PPP1R17: variants seen among roughly 807,000 people sequenced by gnomAD.
The protein encoded by PPP1R17 is protein phosphatase 1 regulatory subunit 17, also known as G-substrate.
A neutral mutation model predicts 15.9 loss-of-function variants in PPP1R17; 12 were observed. That is an observed-to-expected ratio of 0.75 (90% confidence interval 0.48 to 1.22). PPP1R17 has a LOEUF of 1.22. Among genes scored for constraint, PPP1R17 ranks in the 50% most tolerant of loss-of-function variants. The pLI, the probability that PPP1R17 is intolerant of heterozygous loss-of-function variation, is 0.00. For missense variants in PPP1R17, 211 were observed against 187.3 expected, an observed-to-expected ratio of 1.13 and a Z score of -0.74; for synonymous variants, 63 against 64.5, an observed-to-expected ratio of 0.98 and a Z score of 0.11.
intron 1 of PPP1R17, among the ~76,000 whole-genome samples, chr7:31,687,849 C>T (rs1317477563): frequency 6.6e-6 from 1 of 152,186 alleles, no homozygotes; most frequent in Non-Finnish European, 1.5e-5. Context: ...ACCTTCTACC[C>T]TTTTATTCCA....
At chr7:31,701,425 T>C (rs551331178) in intron 4 of PPP1R17, among the ~76,000 whole-genome samples, 2 of 152,364 alleles carry the variant, frequency 1.3e-5, no homozygotes, top group Admixed American at 6.5e-5. Context: ...TTGCTTCTGA[T>C]AGATCAGCAA....
intron 4 of PPP1R17, among the ~76,000 whole-genome samples, chr7:31,697,325 G>C (rs1792631695): frequency 6.6e-6 from 1 of 152,092 alleles, no homozygotes; most frequent in Non-Finnish European, 1.5e-5. Context: ...GATGGGAAAG[G>C]GTCAGAGCAT....
chr7:31,701,839 A>T (rs1792860911), intron 4 of PPP1R17, among the ~76,000 whole-genome samples: 1 of 152,224 alleles, frequency 6.6e-6, no homozygotes, highest in Non-Finnish European at 1.5e-5. Context: ...AGCTATGCTC[A>T]TTATTTTTAA....
Position 31,708,023 on chromosome 7 carries a change from C to G in PPP1R17, c.*740C>G, listed in dbSNP as rs1340387159. 2 of 152,188 alleles carry G rather than the reference C, an allele frequency of 1.3e-5. No homozygotes were observed. Among genetic ancestry groups the G allele is most frequent in the Non-Finnish European group, 2.9e-5 (2 of 68,048 alleles). The allele number at this position is 152,188 out of a possible 1,614,324, so 9.4% of individuals were successfully genotyped here. On this transcript the variant is annotated 3_prime_UTR_variant, in exon 5 of 5. Coordinates refer to ENST00000342032, the MANE Select transcript of PPP1R17 (RefSeq NM_006658.5). The stretch of plus-strand genomic sequence containing the variant: ...TTTGTGAGTTGTGTCACAAGTGAGT[C>G]ATTATCAATGGTAGATAAAATATCA...
In PPP1R17 at chr7:31,705,492, T is replaced by A. The variant is rs573174706; in HGVS notation, c.389-1712T>A. ...TCTCCCACTGTGTTTCATAAGTGAT[T>A]TATGCAAAAGCTGTAGTTTCAGCCA... On this transcript the variant is annotated intron_variant, in intron 4 of 4. Coordinates refer to ENST00000342032, the MANE Select transcript of PPP1R17 (RefSeq NM_006658.5). 3.3e-5 allele frequency among the ~76,000 whole-genome samples: 5 copies of A among 152,324 alleles called. No individual in the cohort carries two copies. In the South Asian group the frequency reaches 1.0e-3, roughly 32 times the overall value.
At chr7:31,689,469 CT>C (rs1223701904) in intron 1 of PPP1R17, among the ~76,000 whole-genome samples, 1 of 152,112 alleles carries the variant, frequency 6.6e-6, no homozygotes, top group Admixed American at 6.5e-5. Flanking sequence ...TGCAGCATCC[CT>C]TTATGACACC....
chr7:31,705,986 ATTTTTTTTTTTTTTTTTTTTTTT>A (rs550189867), intron 4 of PPP1R17, among the ~76,000 whole-genome samples: 2 of 52,486 alleles, frequency 3.8e-5, no homozygotes, highest in Non-Finnish European at 7.1e-5. Context: ...CAGACCAGTA[ATTTTTTTTTTTTTTTTTTTTTTT>A]TTTTTTTTTT....
rs926757766 is a variant in PPP1R17 at position 31,707,949 on chromosome 7, A to G, written c.*666A>G. ...CTGGGAAGCTTAGCAATGTATCTTC[A>G]AATTTATTTTTGTTTTTAAAAATAT... On this transcript the variant is annotated 3_prime_UTR_variant, in exon 5 of 5. Transcript: ENST00000342032. 2 of 152,196 alleles carry G rather than the reference A, an allele frequency of 1.3e-5. No individual in the cohort carries two copies. Among genetic ancestry groups the G allele is most frequent in the East Asian group, 3.8e-4 (2 of 5,200 alleles). The allele number at this position is 152,196 out of a possible 1,614,324, so 9.4% of individuals were successfully genotyped here. A position where few individuals can be genotyped will look rare whatever the true frequency, so the allele number is the denominator to read the frequency against.
Position 31,707,256 on chromosome 7 carries a change from A to C in PPP1R17, c.441A>C (p.Glu147Asp), listed in dbSNP as rs1430163330. Reference protein sequence around the residue: ...ERPKAIVEDDEKDGDKIAI With the variant: ...ERPKAIVEDDDKDGDKIAI ...CCAAAGCAATCGTGGAAGATGACGA[A>C]AAGGATGGTGACAAGATAGCTATTT... is the stretch of plus-strand genomic sequence containing the variant. The change falls in exon 5 of 5, where the codon GAA (glutamate) becomes GAC (aspartate). Residue 147 changes from glutamate (E) to aspartate (D), a missense_variant. By Grantham distance (45) the Glu-to-Asp change is conservative. Transcript: ENST00000342032. 5.6e-6 allele frequency: 9 copies of C among 1,613,908 alleles called. No homozygotes were observed. Among genetic ancestry groups the C allele is most frequent in the Non-Finnish European group, 7.6e-6 (9 of 1,179,926 alleles).
chr7:31,692,055 G>A (rs1428657614), intron 1 of PPP1R17, among the ~76,000 whole-genome samples: 1 of 152,114 alleles, frequency 6.6e-6, no homozygotes, highest in East Asian at 1.9e-4. Flanking sequence ...ACATAGGCAA[G>A]GTTTAAGCAT....
At chr7:31,691,135 C>T (rs1329306550) in intron 1 of PPP1R17, among the ~76,000 whole-genome samples, 1 of 152,144 alleles carries the variant, frequency 6.6e-6, no homozygotes, top group African/African-American at 2.4e-5. Context: ...TGAAGTCACT[C>T]AGTACAATCA....
chr7:31,700,325 A>G (rs1174647642), intron 4 of PPP1R17, among the ~76,000 whole-genome samples: 5 of 152,204 alleles, frequency 3.3e-5, no homozygotes, highest in African/African-American at 1.2e-4. Context: ...TACACCAGCC[A>G]TAACCCTTCC....
In PPP1R17 at chr7:31,697,041, TCATAACA is replaced by T; in HGVS notation, c.314_320del (p.His105LeufsTer25). 1 of 1,614,142 alleles carries T rather than the reference TCATAACA, an allele frequency of 6.2e-7. No homozygotes were observed. The highest frequency in any genetic ancestry group is 8.5e-7 in the Non-Finnish European group (1 of 1,180,010). The stretch of plus-strand genomic sequence containing the variant: ...CAAAGGGCAAAATGATCCCTGTTCT[TCATAACA>T]CTGACCTGGAACAGAAAAAGCCAAG... On this transcript the variant is annotated frameshift_variant, in exon 4 of 5. Coordinates refer to ENST00000342032, the MANE Select transcript of PPP1R17 (RefSeq NM_006658.5). LOFTEE classifies it high-confidence loss of function.
chr7:31,698,815 C>T (rs926112983), intron 4 of PPP1R17, among the ~76,000 whole-genome samples: 11 of 152,108 alleles, frequency 7.2e-5, no homozygotes, highest in Non-Finnish European at 1.5e-4. Context: ...CACAGGAAAT[C>T]CTTTCCGAGG....
chr7:31,695,732 C>T (rs1011084561), intron 3 of PPP1R17, 111 bp downstream of exon 3: 52 of 1,049,524 alleles, frequency 5.0e-5, no homozygotes, highest in Non-Finnish European at 7.2e-5. Context: ...GTAATTTGTG[C>T]ACTCCCCACC....
At chr7:31,703,861 C>T (rs764522348) in intron 4 of PPP1R17, among the ~76,000 whole-genome samples, 5 of 152,186 alleles carry the variant, frequency 3.3e-5, no homozygotes, top group African/African-American at 9.7e-5. Flanking sequence ...GTTCCAACTG[C>T]GAGCACAGCC....
At chr7:31,691,823 C>CAAAAAAAAAAAAAAAAAAAAA (rs1792364142) in intron 1 of PPP1R17, among the ~76,000 whole-genome samples, 1 of 77,848 alleles carries the variant, frequency 1.3e-5, no homozygotes, top group African/African-American at 4.0e-5. Context: ...AAAAAAAAAA[C>CAAAAAAAAAAAAAAAAAAAAA]CAAGCAAAAA....
Position 31,702,212 on chromosome 7 carries a change from T to TTA in PPP1R17, c.389-4991_389-4990insAT, listed in dbSNP as rs1452737863. ...TCAGCTTTTCACCCTTATTTATTTT[T>TTA]TTTTTTGCCTCTACCAATAGATTGT... On this transcript the variant is annotated intron_variant, in intron 4 of 4. Coordinates refer to ENST00000342032, the MANE Select transcript of PPP1R17 (RefSeq NM_006658.5). Among the ~76,000 whole-genome samples the TTA allele has an allele frequency of 8.3e-3, 1,259 of 152,116 alleles. 13 individuals are homozygous for TTA. Among genetic ancestry groups the TTA allele is most frequent in the African/African-American group, 0.029 (1,184 of 41,482 alleles).
At chr7:31,705,765 GGAGGCAGTGC>G (rs1793040750) in intron 4 of PPP1R17, among the ~76,000 whole-genome samples, 1 of 152,046 alleles carries the variant, frequency 6.6e-6, no homozygotes, top group African/African-American at 2.4e-5. Flanking sequence ...TGAGAAGGAA[GGAGGCAGTGC>G]GAGGCAGTGG....
Sources: allele counts gnomAD v4.1 joint callset (sites outside exome capture counted in the v4.1 genomes callset), GRCh38; gene constraint gnomAD v4.1.1; transcripts MANE v1.5; gene names NCBI Gene and HGNC (gene_info 2026-07-23, HGNC 2026-07-21).